Variants in ODAD2 observed in about 807,000 individuals in gnomAD.
ODAD2 encodes outer dynein arm-docking complex subunit 2.
ODAD2 carries 89 observed loss-of-function variants against 106.8 expected under a neutral mutation model. The ratio of observed to expected loss-of-function variants is 0.83; its 90% CI spans 0.70 to 0.99. The LOEUF (loss-of-function observed/expected upper bound fraction) is 0.99, where lower values mean the gene tolerates loss of function less well. ODAD2 is among the 50% of genes least tolerant of loss of function. ODAD2 has a pLI of 0.00. For missense variants in ODAD2, 1,168 were observed against 1,238.5 expected, an observed-to-expected ratio of 0.94 and a Z score of 0.85; for synonymous variants, 404 against 436.2, an observed-to-expected ratio of 0.93 and a Z score of 0.92.
intron 9 of ODAD2, among the ~76,000 whole-genome samples, chr10:27,967,735 A>T (rs959894649): frequency 1.3e-5 from 2 of 151,810 alleles, no homozygotes; most frequent in Non-Finnish European, 2.9e-5. Context: ...TACTAAAAAT[A>T]AAAAAATTAG....
At chr10:27,826,117 T>G (rs1022155826) in intron 19 of ODAD2, among the ~76,000 whole-genome samples, 1 of 152,154 alleles carries the variant, frequency 6.6e-6, no homozygotes, top group African/African-American at 2.4e-5. Flanking sequence ...TTGCTGTCTA[T>G]CAGAAATTCC....
rs1218792471 is a variant in ODAD2 at position 27,940,068 on chromosome 10, T to C, written c.1987-61A>G. 2.5e-6 allele frequency: 3 copies of C among 1,180,322 alleles called. No homozygotes were observed. The East Asian group carries it at 7.5e-5, about 29-fold the overall frequency. 73.1% of individuals were successfully genotyped at this position (1,180,322 alleles called of 1,614,324 possible). On this transcript the variant is annotated intron_variant, in intron 13 of 19. Coordinates refer to ENST00000305242, the MANE Select transcript of ODAD2 (RefSeq NM_018076.5). The stretch of plus-strand genomic sequence containing the variant: ...ACGTGAATATAAGTAACTGTTTACA[T>C]TTATTAATAAACATGCTGAACAAAC...
intron 17 of ODAD2, among the ~76,000 whole-genome samples, chr10:27,890,754 T>C (rs1842502335): frequency 1.5e-5 from 2 of 133,302 alleles, no homozygotes; most frequent in South Asian, 5.0e-4. Context: ...CACTTGAAAA[T>C]CTGGTATATA....
intron 19 of ODAD2, among the ~76,000 whole-genome samples, chr10:27,841,948 G>A (rs928060083): frequency 6.6e-6 from 1 of 151,930 alleles, no homozygotes; most frequent in African/African-American, 2.4e-5. Context: ...GTGGAGATAG[G>A]GTCTCCCTAT....
At chr10:27,900,574 T>C (rs1843130638) in intron 17 of ODAD2, among the ~76,000 whole-genome samples, 1 of 152,100 alleles carries the variant, frequency 6.6e-6, no homozygotes, top group Non-Finnish European at 1.5e-5. Flanking sequence ...AAAAACAGGT[T>C]AGAGAAATTG....
rs568333674 is a variant in ODAD2 at position 27,985,011 on chromosome 10, A to C, written c.575+8T>G. ...TACAATAGAGGTTCCTTTTTGAAAA[A>C]GACTCACAATGAAATATGTTTTAGA... is the stretch of plus-strand genomic sequence containing the variant. On this transcript the variant is annotated splice_region_variant and intron_variant, in intron 4 of 19. Coordinates refer to ENST00000305242, the MANE Select transcript of ODAD2 (RefSeq NM_018076.5). 13 of 1,599,902 alleles carry C rather than the reference A, an allele frequency of 8.1e-6. No individual in the cohort carries two copies. The East Asian group carries it at 2.9e-4, about 36-fold the overall frequency.
intron 19 of ODAD2, among the ~76,000 whole-genome samples, chr10:27,828,439 C>A (rs1166672119): frequency 6.6e-6 from 1 of 151,972 alleles, no homozygotes; most frequent in Non-Finnish European, 1.5e-5. Flanking sequence ...ATGGGAAAGG[C>A]CGGGAGAAGG....
intron 17 of ODAD2, among the ~76,000 whole-genome samples, chr10:27,907,091 T>C (rs1843654154): frequency 1.3e-5 from 2 of 151,820 alleles, no homozygotes; most frequent in South Asian, 2.1e-4. Context: ...ATAGAAAAAA[T>C]GTTAAGAGAA....
rs1564509365 is a variant in ODAD2, at chr10:27,924,013, A to AGAAAGAAAGAAAGAAAGAAAGAAAGG, written c.2495+10996_2495+10997insCCTTTCTTTCTTTCTTTCTTTCTTTC. Among the ~76,000 whole-genome samples the AGAAAGAAAGAAAGAAAGAAAGAAAGG allele has an allele frequency of 7.3e-5, 8 of 109,700 alleles. No individual in the cohort carries two copies. The East Asian group carries it at 8.2e-4, about 11-fold the overall frequency. 72.0% of individuals were successfully genotyped at this position (109,700 alleles called of 152,430 possible). The stretch of plus-strand genomic sequence containing the variant: ...AAGAAAGAAAGAAAGAAAGAAAGAA[A>AGAAAGAAAGAAAGAAAGAAAGAAAGG]GAAAGAAAGAAGGAAAGAGAAAGAA... On this transcript the variant is annotated intron_variant, in intron 16 of 19. Coordinates refer to ENST00000305242, the MANE Select transcript of ODAD2 (RefSeq NM_018076.5).
intron 8 of ODAD2, among the ~76,000 whole-genome samples, chr10:27,969,289 G>T (rs141599016): frequency 6.7e-6 from 1 of 148,746 alleles, no homozygotes; most frequent in Non-Finnish European, 1.5e-5. Flanking sequence ...TCCTGCACCC[G>T]ATGCCTTCTA....
chr10:27,941,198 A>C (rs1000101724), intron 12 of ODAD2, among the ~76,000 whole-genome samples: 1 of 152,096 alleles, frequency 6.6e-6, no homozygotes, highest in Non-Finnish European at 1.5e-5. Flanking sequence ...AAGCCACAAG[A>C]CCTGTCCAGG....
In ODAD2 at chr10:27,939,905, T is replaced by G. The variant is rs1350403746; in HGVS notation, c.2089A>C (p.Ile697Leu). ...GGGAGAGTTCACTGCACCTGGTAAA[T>G]GGCCATGGCGCAGTGCTCCTGCAGC... ...EQLQEHCAMA[I>L]YQCAEDKETR... The change falls in exon 14 of 20, where the codon ATT becomes CTT. Residue 697 changes from isoleucine (I) to leucine (L), a missense_variant. Coordinates refer to ENST00000305242, the MANE Select transcript of ODAD2 (RefSeq NM_018076.5). The G allele has an allele frequency of 6.3e-7, 1 of 1,598,252 alleles. No individual in the cohort carries two copies. The highest frequency in any genetic ancestry group is 1.8e-5 in the Admixed American group (1 of 57,098).
At chr10:27,897,973 C>G (rs984906778) in intron 17 of ODAD2, among the ~76,000 whole-genome samples, 2 of 151,692 alleles carry the variant, frequency 1.3e-5, no homozygotes, top group African/African-American at 4.8e-5. Context: ...AAAGAAAGCC[C>G]ATGTGAGAAT....
intron 19 of ODAD2, among the ~76,000 whole-genome samples, chr10:27,822,787 G>A (rs1836714321): frequency 6.6e-6 from 1 of 152,194 alleles, no homozygotes; most frequent in Non-Finnish European, 1.5e-5. Context: ...CCTCCTCAAG[G>A]TGATAGGTGT....
chr10:27,958,769 T>C (rs1847903956), intron 10 of ODAD2: 1 of 1,050,240 alleles, frequency 9.5e-7, no homozygotes, highest in Non-Finnish European at 1.3e-6. Flanking sequence ...AATTCTAATA[T>C]AAGAGAACTT....
intron 7 of ODAD2, among the ~76,000 whole-genome samples, chr10:27,977,835 A>T (rs959033891): frequency 2.0e-5 from 3 of 152,248 alleles, no homozygotes; most frequent in Admixed American, 6.5e-5. Context: ...AGAGACCAGT[A>T]CACACCTATT....
intron 16 of ODAD2, among the ~76,000 whole-genome samples, chr10:27,917,418 G>T (rs918734727): frequency 2.4e-4 from 37 of 151,920 alleles, no homozygotes; most frequent in Admixed American, 7.9e-4. Context: ...TATAAGACAA[G>T]AATTGGCCTA....
At position 27,969,104 on chromosome 10, in the gene ODAD2, C is replaced by T. The variant is rs565337641; in HGVS notation, c.1143-86G>A. On this transcript the variant is annotated intron_variant, in intron 8 of 19. Coordinates refer to ENST00000305242, the MANE Select transcript of ODAD2 (RefSeq NM_018076.5). Reference sequence around the variant, plus strand: ...AAGATGGCAATGTAGATATATACTCCGTTATTTCCATGTGCTCAAATGATG... The same window carrying T: ...AAGATGGCAATGTAGATATATACTCTGTTATTTCCATGTGCTCAAATGATG... 117 of 612,664 alleles carry T rather than the reference C, an allele frequency of 1.9e-4. 1 individual carries two copies. The highest frequency in any genetic ancestry group is 4.9e-4 in the African/African-American group (26 of 53,272). The allele number at this position is 612,664 out of a possible 1,614,324, so 38.0% of individuals were successfully genotyped here. A position where few individuals can be genotyped will look rare whatever the true frequency, so the allele number is the denominator to read the frequency against.
intron 2 of ODAD2, among the ~76,000 whole-genome samples, chr10:27,988,004 A>G (rs912919021): frequency 6.7e-5 from 10 of 150,324 alleles, no homozygotes; most frequent in Admixed American, 1.3e-4. Context: ...ATGAACAAAA[A>G]AACTATGAAA....
Sources: allele counts gnomAD v4.1 joint callset (sites outside exome capture counted in the v4.1 genomes callset), GRCh38; gene constraint gnomAD v4.1.1; transcripts MANE v1.5; gene names NCBI Gene and HGNC (gene_info 2026-07-23, HGNC 2026-07-21).